Variants in BTBD9 observed in about 807,000 individuals in gnomAD.
BTBD9 encodes the protein BTB domain containing 9.
A neutral mutation model predicts 64.3 loss-of-function variants in BTBD9; 49 were observed. That is an observed-to-expected ratio of 0.76 (90% CI 0.61 to 0.97). The LOEUF is 0.97. Among genes scored for constraint, BTBD9 ranks in the 50% least tolerant of loss-of-function variants. The probability of loss-of-function intolerance (pLI) is 0.00; values close to 1 mark genes in which losing one functional copy is unlikely to be tolerated. For synonymous variants in BTBD9, 260 were observed against 274.7 expected (o/e 0.95, Z 0.53); for missense variants, 598 against 762.1 (o/e 0.78, Z 2.53).
At chr6:38,348,917 T>C (rs773627931) in intron 6 of BTBD9, among the ~76,000 whole-genome samples, 5 of 152,086 alleles carry the variant, frequency 3.3e-5, no homozygotes, top group Non-Finnish European at 7.4e-5. Context: ...AAAATATGCA[T>C]ATATTTTTTG....
intron 4 of BTBD9, among the ~76,000 whole-genome samples, chr6:38,591,489 A>G (rs1446765666): frequency 6.6e-6 from 1 of 152,170 alleles, no homozygotes; most frequent in Non-Finnish European, 1.5e-5. Context: ...TTTATGTCTT[A>G]TTTCCACAAT....
At chr6:38,304,894 C>T (rs918989552) in intron 7 of BTBD9, among the ~76,000 whole-genome samples, 3 of 152,144 alleles carry the variant, frequency 2.0e-5, no homozygotes, top group East Asian at 1.9e-4. Context: ...CTAGCACTGT[C>T]CCACTTAATA....
At chr6:38,499,073 C>T (rs746094313) in intron 6 of BTBD9, among the ~76,000 whole-genome samples, 28 of 151,982 alleles carry the variant, frequency 1.8e-4, no homozygotes, top group Non-Finnish European at 3.4e-4. Context: ...AGCCTATTTT[C>T]GTCCGCTTTC....
rs770393237 is a variant in BTBD9 at position 38,597,993 on chromosome 6, T to C, written c.102A>G (p.Glu34=). Residue 34 remains glutamate (E), a synonymous_variant, in exon 2 of 11, where the codon GAA becomes GAG. Coordinates refer to ENST00000481247, the MANE Select transcript of BTBD9 (RefSeq NM_001099272.2). ...CCACCACGAATGTGACGTCGCCATATTCTTCCCCAATCAACAAGGCACCAA... is the reference window on the plus strand; with the variant it reads ...CCACCACGAATGTGACGTCGCCATACTCTTCCCCAATCAACAAGGCACCAA... ...EHIGALLIGE[E]YGDVTFVVEK... is the part of the protein sequence containing the mutation. 1.9e-6 allele frequency: 3 copies of C among 1,614,010 alleles called. No individual in the cohort carries two copies. The highest frequency in any genetic ancestry group is 2.2e-5 in the South Asian group (2 of 91,082).
chr6:38,465,420 A>G (rs755165573), intron 6 of BTBD9, among the ~76,000 whole-genome samples: 7 of 146,680 alleles, frequency 4.8e-5, no homozygotes, highest in Middle Eastern at 3.8e-3. Context: ...AATCGAGACC[A>G]TCCTGGCTAA....
At chr6:38,628,029 G>A (rs1778228187) in intron 1 of BTBD9, among the ~76,000 whole-genome samples, 1 of 152,128 alleles carries the variant, frequency 6.6e-6, no homozygotes, top group Non-Finnish European at 1.5e-5. Flanking sequence ...GTGTATTTGT[G>A]AGGCATGCGC....
rs769113887 is a variant in BTBD9 at position 38,594,039 on chromosome 6, A to C, written c.474T>G (p.Thr158=). The change falls in exon 3 of 11, where the codon ACT becomes ACG. Residue 158 remains threonine (T), a synonymous_variant. Transcript: ENST00000481247. Reference sequence around the variant, plus strand: ...TATCCATAAACATGCAGCACATACAAGTTAACTTGGGAAGTGAGTAGAGAC... The same window carrying C: ...TATCCATAAACATGCAGCACATACACGTTAACTTGGGAAGTGAGTAGAGAC... ...VASLYSLPKL[T]CMCCMFMDRN... is the part of the protein sequence containing the mutation. 6.2e-7 allele frequency: 1 copy of C among 1,614,166 alleles called. No individual in the cohort carries two copies. Among genetic ancestry groups the C allele is most frequent in the South Asian group, 1.1e-5 (1 of 91,066 alleles).
intron 6 of BTBD9, among the ~76,000 whole-genome samples, chr6:38,483,025 GA>G (rs1260433858): frequency 2.6e-5 from 4 of 151,864 alleles, no homozygotes; most frequent in Non-Finnish European, 4.4e-5. Flanking sequence ...CCCCTACAAA[GA>G]TCCACTCTCC....
chr6:38,334,689 C>T (rs1205170134), intron 7 of BTBD9, among the ~76,000 whole-genome samples: 2 of 151,470 alleles, frequency 1.3e-5, no homozygotes, highest in African/African-American at 4.9e-5. Flanking sequence ...CAAAAACAAG[C>T]TGTACGCATT....
chr6:38,192,376 A>G (rs909068125), intron 10 of BTBD9, 143 bp downstream of exon 10: 1 of 693,366 alleles, frequency 1.4e-6, no homozygotes, highest in Non-Finnish European at 2.5e-6. Context: ...CCCACTGTGC[A>G]ACTGCAGGAC....
chr6:38,435,781 G>A (rs946108773), intron 6 of BTBD9, among the ~76,000 whole-genome samples: 5 of 151,018 alleles, frequency 3.3e-5, no homozygotes, highest in African/African-American at 1.2e-4. Context: ...CAATTCTCCG[G>A]CCTCAGCCTC....
At chr6:38,277,135 G>A (rs533545318) in intron 8 of BTBD9, among the ~76,000 whole-genome samples, 5 of 152,164 alleles carry the variant, frequency 3.3e-5, no homozygotes, top group South Asian at 2.1e-4. Context: ...AAATTTCATC[G>A]TGGCATGAAT....
chr6:38,577,124 A>C (rs1776075195), intron 6 of BTBD9, among the ~76,000 whole-genome samples: 2 of 152,114 alleles, frequency 1.3e-5, no homozygotes, highest in Admixed American at 1.3e-4. Flanking sequence ...TTAACCACTA[A>C]CCTAAAGGAA....
intron 9 of BTBD9, among the ~76,000 whole-genome samples, chr6:38,209,610 T>C (rs1043271216): frequency 2.0e-5 from 3 of 152,096 alleles, no homozygotes; most frequent in Non-Finnish European, 4.4e-5. Context: ...TCAAAACCTC[T>C]GGGGGGGTGG....
In BTBD9 at chr6:38,170,540, C is replaced by G. The variant is rs75984268; in HGVS notation, c.*4445G>C. The G allele has an allele frequency of 6.6e-6, 1 of 152,258 alleles. No individual in the cohort carries two copies. Among genetic ancestry groups the G allele is most frequent in the Non-Finnish European group, 1.5e-5 (1 of 68,088 alleles). 9.4% of individuals were successfully genotyped at this position (152,258 alleles called of 1,614,324 possible). On this transcript the variant is annotated 3_prime_UTR_variant, in exon 11 of 11. Coordinates refer to ENST00000481247, the MANE Select transcript of BTBD9 (RefSeq NM_001099272.2). ...CTTCACCATTCACTCTGCAAATGAC[C>G]AGGGCCTCCAAATCCCGTCCAGCCC...
At chr6:38,404,501 A>G (rs1767081449) in intron 6 of BTBD9, among the ~76,000 whole-genome samples, 1 of 152,238 alleles carries the variant, frequency 6.6e-6, no homozygotes, top group Admixed American at 6.5e-5. Flanking sequence ...CTAGGACAAT[A>G]GAAGAATCAC....
At chr6:38,326,231 T>C (rs1239942622) in intron 7 of BTBD9, among the ~76,000 whole-genome samples, 1 of 152,088 alleles carries the variant, frequency 6.6e-6, no homozygotes, top group African/African-American at 2.4e-5. Context: ...GCAAAGACAC[T>C]GTGGTCAGAG....
chr6:38,548,320 T>C (rs1774646709), intron 6 of BTBD9, among the ~76,000 whole-genome samples: 1 of 152,250 alleles, frequency 6.6e-6, no homozygotes, highest in Admixed American at 6.5e-5. Flanking sequence ...GAAGGCGGCA[T>C]GAAGTATGCC....
chr6:38,379,303 T>C (rs1765828565), intron 6 of BTBD9, among the ~76,000 whole-genome samples: 1 of 152,038 alleles, frequency 6.6e-6, no homozygotes, highest in South Asian at 2.1e-4. Context: ...GAAATACAGG[T>C]AAGAATGGGG....
Sources: gnomAD v4.1 joint callset for allele counts (sites outside exome capture counted in the v4.1 genomes callset) on GRCh38, gnomAD v4.1.1 for gene constraint, MANE v1.5 for transcripts, NCBI Gene and HGNC (gene_info 2026-07-23, HGNC 2026-07-21) for gene names.